Variants in RGPD4 observed in about 807,000 individuals in gnomAD.
RGPD4 encodes the protein RANBP2 like and GRIP domain containing 4.
RGPD4 carries 84 observed loss-of-function variants against 141.1 expected under a neutral mutation model. That is an observed-to-expected ratio of 0.60 (90% CI 0.50 to 0.71). The LOEUF is 0.71. RGPD4 is among the 30% of genes least tolerant of loss of function. RGPD4 has a pLI of 0.00. For synonymous variants in RGPD4, 298 were observed against 566.8 expected (o/e 0.53, Z 6.74); for missense variants, 918 against 1,622.4 (o/e 0.57, Z 7.46).
At position 107,882,169 on chromosome 2, in the gene RGPD4, T is replaced by C. The variant is rs574416810; in HGVS notation, c.5065-503T>C. Among the ~76,000 whole-genome samples, 26 of 152,020 alleles carry C rather than the reference T, an allele frequency of 1.7e-4. No homozygotes were observed. The East Asian group carries it at 3.1e-3, about 18-fold the overall frequency. On this transcript the variant is annotated intron_variant, in intron 21 of 22. Coordinates refer to ENST00000408999, the MANE Select transcript of RGPD4 (RefSeq NM_182588.3). The stretch of plus-strand genomic sequence containing the variant: ...TACCCTGTGCTTCTGAGACAAGAAC[T>C]CCAGTATTTACACAGGATGCATCCT...
chr2:107,845,800 G>A (rs1305723987), intron 6 of RGPD4, among the ~76,000 whole-genome samples: 15 of 151,830 alleles, frequency 9.9e-5, no homozygotes, highest in Middle Eastern at 3.4e-3. Flanking sequence ...TCCTGACCTC[G>A]TGATCTGCCC....
chr2:107,854,142 C>T (rs1238478276), intron 7 of RGPD4, among the ~76,000 whole-genome samples: 1 of 135,770 alleles, frequency 7.4e-6, no homozygotes, highest in South Asian at 2.6e-4. Context: ...ACAACCTCTG[C>T]CTCCCAGGTT....
At chr2:107,882,390 G>T (rs1423801495) in intron 21 of RGPD4, among the ~76,000 whole-genome samples, 6 of 151,668 alleles carry the variant, frequency 4.0e-5, no homozygotes, top group South Asian at 2.1e-4. Flanking sequence ...CCAACACTTG[G>T]TTCATATGCA....
rs865865959 is a variant in RGPD4, at chr2:107,829,383, C to G, written c.72+2298C>G. On this transcript the variant is annotated intron_variant, in intron 1 of 22. Transcript: ENST00000408999. ...CCTCTACCTGGCCCGGCGGCGGCCT[C>G]GATGGCTCAGGCGTCATGGCTACCG... Among the ~76,000 whole-genome samples, 37 of 32,752 alleles carry G rather than the reference C, an allele frequency of 1.1e-3. 7 individuals are homozygous for G. Among genetic ancestry groups the G allele is most frequent in the Non-Finnish European group, 2.0e-3 (26 of 12,728 alleles). 21.5% of individuals were successfully genotyped at this position (32,752 alleles called of 152,430 possible). A position where few individuals can be genotyped will look rare whatever the true frequency, so the allele number is the denominator to read the frequency against.
intron 1 of RGPD4, among the ~76,000 whole-genome samples, chr2:107,829,654 G>C (rs1659896): frequency 0.64 from 97,868 of 151,780 alleles, 32,366 homozygotes; most frequent in Middle Eastern, 0.75. Context: ...TGTGGGCGGC[G>C]TGGCACTTGC....
intron 1 of RGPD4, among the ~76,000 whole-genome samples, chr2:107,829,627 G>T (rs1485907855): frequency 6.6e-6 from 1 of 152,106 alleles, no homozygotes; most frequent in Non-Finnish European, 1.5e-5. Flanking sequence ...TGAGGCGCCG[G>T]CCGGCTGGCG....
At chr2:107,828,826 C>T (rs540351614) in intron 1 of RGPD4, among the ~76,000 whole-genome samples, 17 of 12,704 alleles carry the variant, frequency 1.3e-3, no homozygotes, top group South Asian at 4.6e-3. Flanking sequence ...GGCCTCGACC[C>T]GGCCCGGCGG....
At chr2:107,884,073 T>C (rs1675441351) in intron 22 of RGPD4, among the ~76,000 whole-genome samples, 3 of 151,824 alleles carry the variant, frequency 2.0e-5, no homozygotes, top group Admixed American at 2.0e-4. Flanking sequence ...GGCTCATATA[T>C]TGCATTTGGT....
At chr2:107,836,469 C>G (rs568054954) in intron 1 of RGPD4, 133 bp from the exon 2 acceptor site, 1 of 892,510 alleles carries the variant, frequency 1.1e-6, no homozygotes, top group East Asian at 3.0e-5. Context: ...ATTTGTCAGG[C>G]TTTAAAAAAA....
chr2:107,844,996 C>A (rs1309275446), intron 6 of RGPD4, among the ~76,000 whole-genome samples: 1 of 142,752 alleles, frequency 7.0e-6, no homozygotes, highest in Non-Finnish European at 1.5e-5. Context: ...CCACCACGCC[C>A]AGCTAATTTT....
rs1467034969 is a variant in RGPD4 at position 107,854,074 on chromosome 2, C to T, written c.979-482C>T. Among the ~76,000 whole-genome samples the T allele has an allele frequency of 4.8e-4, 49 of 103,142 alleles. No homozygotes were observed. The Middle Eastern group carries it at 0.037, about 77-fold the overall frequency. 67.7% of individuals were successfully genotyped at this position (103,142 alleles called of 152,430 possible). On this transcript the variant is annotated intron_variant, in intron 7 of 22. Transcript: ENST00000408999. ...CCTCTCTTTTTTTTTTTTTTTTTTG[C>T]GATGGAGTCTCGCTCTTTCACCCAG... is the stretch of plus-strand genomic sequence containing the variant.
intron 1 of RGPD4, among the ~76,000 whole-genome samples, chr2:107,829,461 C>G (rs1623910): frequency 1.6e-5 from 1 of 62,630 alleles, no homozygotes; most frequent in African/African-American, 5.5e-5. Context: ...CTACCTGGCC[C>G]GGCGGCGGCC....
intron 11 of RGPD4, 47 bp downstream of exon 11, chr2:107,859,601 T>C: frequency 6.2e-7 from 1 of 1,611,644 alleles, no homozygotes; most frequent in East Asian, 2.2e-5. Flanking sequence ...GCGTAGGTTT[T>C]ACCAGGGATT....
chr2:107,857,573 T>A (rs1396787007), intron 9 of RGPD4, among the ~76,000 whole-genome samples: 1 of 151,168 alleles, frequency 6.6e-6, no homozygotes, highest in African/African-American at 2.5e-5. Context: ...GCTGGTACCA[T>A]AGGCACATGC....
At chr2:107,830,343 TAAAA>T (rs10547790) in intron 1 of RGPD4, among the ~76,000 whole-genome samples, 4 of 140,558 alleles carry the variant, frequency 2.8e-5, no homozygotes, top group Non-Finnish European at 6.1e-5. Context: ...TAAACAAGCT[TAAAA>T]AAAAAAAAAA....
At chr2:107,876,250 T>A (rs528991515) in intron 20 of RGPD4, among the ~76,000 whole-genome samples, 1 of 151,834 alleles carries the variant, frequency 6.6e-6, no homozygotes, top group Non-Finnish European at 1.5e-5. Flanking sequence ...TGTCAATTTT[T>A]TTGACTGGTG....
intron 20 of RGPD4, among the ~76,000 whole-genome samples, chr2:107,877,997 G>A (rs550950345): frequency 6.6e-6 from 1 of 151,188 alleles, no homozygotes; most frequent in Non-Finnish European, 1.5e-5. Context: ...ATTTTTAGTA[G>A]AGATAGGGTT....
intron 21 of RGPD4, among the ~76,000 whole-genome samples, chr2:107,882,439 C>G (rs537099341): frequency 7.3e-5 from 11 of 151,470 alleles, no homozygotes; most frequent in Admixed American, 7.2e-4. Flanking sequence ...TTGAAACTAT[C>G]TCATAGTTGG....
At chr2:107,831,396 C>G (rs1197410205) in intron 1 of RGPD4, among the ~76,000 whole-genome samples, 1 of 144,492 alleles carries the variant, frequency 6.9e-6, no homozygotes, top group African/African-American at 2.5e-5. Context: ...CATAAATGAT[C>G]CTCCTACCTC....
Sources: gnomAD v4.1 joint callset for allele counts (sites outside exome capture counted in the v4.1 genomes callset) on GRCh38, gnomAD v4.1.1 for gene constraint, MANE v1.5 for transcripts, NCBI Gene and HGNC (gene_info 2026-07-23, HGNC 2026-07-21) for gene names.